ATP9B: variants seen among roughly 807,000 people sequenced by gnomAD.
ATP9B encodes ATPase phospholipid transporting 9B.
A neutral mutation model predicts 146.1 loss-of-function variants in ATP9B; 110 were observed. The observed-to-expected ratio is 0.75, with a 90% CI of 0.65 to 0.88. The LOEUF is 0.88. Ranked by LOEUF, ATP9B falls within the 40% of genes least tolerant of loss-of-function variation. The pLI is 0.00. For synonymous variants in ATP9B, 604 were observed against 569.7 expected, an observed-to-expected ratio of 1.06 and a Z score of -0.86; for missense variants, 1,499 against 1,496.4, an observed-to-expected ratio of 1.00 and a Z score of -0.03.
chr18:79,128,613 A>G (rs1328624805), intron 5 of ATP9B, among the ~76,000 whole-genome samples: 2 of 152,186 alleles, frequency 1.3e-5, no homozygotes, highest in Non-Finnish European at 2.9e-5. Flanking sequence ...ATAACTTTGC[A>G]TTGTCTTTGT....
At chr18:79,295,072 G>A (rs960057204) in intron 13 of ATP9B, among the ~76,000 whole-genome samples, 3 of 149,620 alleles carry the variant, frequency 2.0e-5, no homozygotes, top group African/African-American at 7.5e-5. Context: ...GTACGTGTGC[G>A]TGCATCCATG....
At chr18:79,254,898 G>A (rs2096063549) in intron 12 of ATP9B, 1 of 152,218 alleles carries the variant, frequency 6.6e-6, no homozygotes, top group Non-Finnish European at 1.5e-5. Flanking sequence ...CCAAGAAACA[G>A]CCAGCCACTT....
chr18:79,220,836 C>T (rs1203038127), intron 11 of ATP9B, among the ~76,000 whole-genome samples: 1 of 152,250 alleles, frequency 6.6e-6, no homozygotes, highest in Non-Finnish European at 1.5e-5. Context: ...GAAGAGAGTG[C>T]CCTTTTCTTT....
chr18:79,273,729 A>G (rs1382699111), intron 12 of ATP9B, among the ~76,000 whole-genome samples: 2 of 152,222 alleles, frequency 1.3e-5, no homozygotes, highest in East Asian at 1.9e-4. Flanking sequence ...ATTGCATGGT[A>G]TATTTTAGGA....
intron 9 of ATP9B, among the ~76,000 whole-genome samples, chr18:79,206,619 A>G (rs1185445610): frequency 8.6e-6 from 1 of 115,706 alleles, no homozygotes; most frequent in African/African-American, 3.3e-5. Flanking sequence ...GCATAATAAC[A>G]CCTCATAAAT....
At chr18:79,311,479 A>G (rs963258730) in intron 15 of ATP9B, among the ~76,000 whole-genome samples, 2 of 152,216 alleles carry the variant, frequency 1.3e-5, no homozygotes, top group Non-Finnish European at 2.9e-5. Flanking sequence ...CAGCAGATTC[A>G]TGGTATTCGA....
chr18:79,177,443 A>G lies in ATP9B; in HGVS notation c.873+536A>G, dbSNP rs184965983. Reference sequence around the variant, plus strand: ...TTTTTGTAGAGATGGGGGTCTTGCTATGTTGCCCAGGCTGGTCTTGAACTC... The same window carrying G: ...TTTTTGTAGAGATGGGGGTCTTGCTGTGTTGCCCAGGCTGGTCTTGAACTC... On this transcript the variant is annotated intron_variant, in intron 8 of 29. Coordinates refer to ENST00000426216, the MANE Select transcript of ATP9B (RefSeq NM_198531.5). Among the ~76,000 whole-genome samples the G allele has an allele frequency of 3.2e-4, 48 of 150,948 alleles. No homozygotes were observed. In the East Asian group the frequency reaches 7.4e-3, roughly 23 times the overall value.
chr18:79,352,921 A>T (rs1460942135), intron 25 of ATP9B: 3 of 152,282 alleles, frequency 2.0e-5, no homozygotes, highest in Admixed American at 2.0e-4. Flanking sequence ...CTTTCAGTAC[A>T]TATCTTCAAC....
chr18:79,132,127 T>A (rs943945023), intron 5 of ATP9B, among the ~76,000 whole-genome samples: 2 of 150,614 alleles, frequency 1.3e-5, no homozygotes, highest in African/African-American at 4.9e-5. Context: ...CACCCAAAAA[T>A]GGCATAAAAT....
intron 19 of ATP9B, among the ~76,000 whole-genome samples, chr18:79,338,034 C>T (rs2096837392): frequency 6.6e-6 from 1 of 152,226 alleles, no homozygotes; most frequent in South Asian, 2.1e-4. Context: ...GAACCCAGAC[C>T]TCATGGGCTT....
chr18:79,234,153 T>A (rs2095817641), intron 11 of ATP9B, among the ~76,000 whole-genome samples: 1 of 151,782 alleles, frequency 6.6e-6, no homozygotes, highest in Non-Finnish European at 1.5e-5. Context: ...AGGGAGCGAG[T>A]AGGGAAGGTT....
At chr18:79,112,446 GAAAACC>G (rs1262840743) in intron 3 of ATP9B, among the ~76,000 whole-genome samples, 2 of 152,072 alleles carry the variant, frequency 1.3e-5, no homozygotes, top group African/African-American at 2.4e-5. Context: ...TATTTAAAGT[GAAAACC>G]AAAACCAAAA....
chr18:79,160,862 C>T (rs748083777), intron 7 of ATP9B, among the ~76,000 whole-genome samples: 1 of 152,202 alleles, frequency 6.6e-6, no homozygotes, highest in African/African-American at 2.4e-5. Context: ...ACCTCTGCCT[C>T]CTGGGTTCCA....
At chr18:79,345,904 T>C (rs2096883601) in intron 23 of ATP9B, 65 bp downstream of exon 23, 2 of 1,568,182 alleles carry the variant, frequency 1.3e-6, no homozygotes, top group South Asian at 1.1e-5. Context: ...ACTCAGCACA[T>C]GCTGGGCCAC....
At chr18:79,074,472 T>C (rs1261652236) in intron 1 of ATP9B, among the ~76,000 whole-genome samples, 1 of 152,266 alleles carries the variant, frequency 6.6e-6, no homozygotes, top group East Asian at 1.9e-4. Flanking sequence ...AAAAAGGTTT[T>C]CTGGACTGGG....
In ATP9B at chr18:79,150,423, G is replaced by A. The variant is rs140892407; in HGVS notation, c.727-4081G>A. 4.0e-3 allele frequency among the ~76,000 whole-genome samples: 614 copies of A among 152,242 alleles called. 9 individuals carry two copies. The highest frequency in any genetic ancestry group is 0.014 in the African/African-American group (592 of 41,534). On this transcript the variant is annotated intron_variant, in intron 6 of 29. Coordinates refer to ENST00000426216, the MANE Select transcript of ATP9B (RefSeq NM_198531.5). The stretch of plus-strand genomic sequence containing the variant: ...CAAAAAAACCTGTGCAGGAATGTCT[G>A]TATCTACATTATTCACAGTAGCTCA...
At position 79,338,541 on chromosome 18, in the gene ATP9B, G is replaced by A. The variant is rs187061619; in HGVS notation, c.2283+1092G>A. 4.0e-4 allele frequency among the ~76,000 whole-genome samples: 61 copies of A among 152,242 alleles called. 1 individual carries two copies. The highest frequency in any genetic ancestry group is 9.2e-4 in the Admixed American group (14 of 15,300). ...TTTAAATATGGTGTCCGTGAAATTC[G>A]AGTGTTTATCTTGGATGGGAGAGGT... On this transcript the variant is annotated intron_variant, in intron 19 of 29. Transcript: ENST00000426216.
At position 79,213,289 on chromosome 18, in the gene ATP9B, C is replaced by T. The variant is rs532245474; in HGVS notation, c.1031-673C>T. Among the ~76,000 whole-genome samples the T allele has an allele frequency of 1.1e-4, 16 of 152,178 alleles. No homozygotes were observed. In the South Asian group the frequency reaches 3.3e-3, roughly 32 times the overall value. ...AAAGAGATTTCCATGGTTTTTAATA[C>T]TGACATTCTAGAGATAAGTGCCCTT... is the stretch of plus-strand genomic sequence containing the variant. On this transcript the variant is annotated intron_variant, in intron 10 of 29. Coordinates refer to ENST00000426216, the MANE Select transcript of ATP9B (RefSeq NM_198531.5).
chr18:79,168,282 CG>C (rs932104868), intron 7 of ATP9B, among the ~76,000 whole-genome samples: 39 of 151,830 alleles, frequency 2.6e-4, no homozygotes, highest in African/African-American at 8.9e-4. Flanking sequence ...CTGCATCCTG[CG>C]GGGGGATAGA....
Sources: allele counts gnomAD v4.1 joint callset (sites outside exome capture counted in the v4.1 genomes callset), GRCh38; gene constraint gnomAD v4.1.1; transcripts MANE v1.5; gene names NCBI Gene and HGNC (gene_info 2026-07-23, HGNC 2026-07-21).